The following CCDC18 variants were observed in gnomAD, a reference collection of about 807,000 sequenced individuals.
CCDC18 encodes the protein coiled-coil domain-containing protein 18.
Under a neutral mutation model 196.0 loss-of-function variants are expected in CCDC18, and 157 were observed. The ratio of observed to expected loss-of-function variants is 0.80; its 90% CI spans 0.70 to 0.91. CCDC18 has a LOEUF of 0.91. Ranked by LOEUF, CCDC18 falls within the 40% of genes least tolerant of loss-of-function variation. The pLI is 0.00. For missense variants in CCDC18, 1,465 were observed against 1,611.6 expected, an observed-to-expected ratio of 0.91 and a Z score of 1.56; for synonymous variants, 482 against 529.2, an observed-to-expected ratio of 0.91 and a Z score of 1.22.
intron 27 of CCDC18, among the ~76,000 whole-genome samples, chr1:93,266,315 G>A (rs1009421278): frequency 2.0e-5 from 3 of 152,174 alleles, no homozygotes; most frequent in Non-Finnish European, 4.4e-5. Flanking sequence ...GAAATTTATA[G>A]CACTAAATGC....
chr1:93,222,052 C>A, intron 16 of CCDC18, 116 bp downstream of exon 16: 1 of 638,618 alleles, frequency 1.6e-6, no homozygotes. Flanking sequence ...TCACTGCAAC[C>A]TTGAACTCCT....
chr1:93,192,151 T>A, intron 5 of CCDC18, 45 bp downstream of exon 5: 1 of 1,228,904 alleles, frequency 8.1e-7, no homozygotes. Context: ...TTTCTACTTA[T>A]ACATTTTATT....
intron 28 of CCDC18, among the ~76,000 whole-genome samples, chr1:93,272,003 G>A (rs12070900): frequency 0.17 from 26,229 of 152,064 alleles, 2,489 homozygotes; most frequent in African/African-American, 0.22. Context: ...TCTGTAGTTT[G>A]AGAATGGAAA....
rs146456580 is a variant in CCDC18 at position 93,253,684 on chromosome 1, C to A, written c.3199-787C>A. ...GAGACTGATGTCAGCAGGGAGAGAG[C>A]CTTTCCACTAAGGCACTAGTATGCA... On this transcript the variant is annotated intron_variant, in intron 23 of 28. Coordinates refer to ENST00000690025, the MANE Select transcript of CCDC18 (RefSeq NM_001378204.1). Among the ~76,000 whole-genome samples the A allele has an allele frequency of 2.3e-3, 354 of 152,308 alleles. 2 individuals are homozygous for A. Among genetic ancestry groups the A allele is most frequent in the African/African-American group, 8.1e-3 (337 of 41,560 alleles).
At chr1:93,184,559 A>G (rs1417702425) in intron 3 of CCDC18, among the ~76,000 whole-genome samples, 2 of 151,778 alleles carry the variant, frequency 1.3e-5, no homozygotes, top group Non-Finnish European at 3.0e-5. Flanking sequence ...TTCTCTTTTC[A>G]TTATCTATTT....
chr1:93,200,185 G>A (rs1653582167), intron 6 of CCDC18, among the ~76,000 whole-genome samples: 1 of 151,966 alleles, frequency 6.6e-6, no homozygotes, highest in Admixed American at 6.6e-5. Flanking sequence ...ACGTTTCCCA[G>A]GCTGGTCTCT....
intron 21 of CCDC18, among the ~76,000 whole-genome samples, chr1:93,243,355 G>A (rs534371752): frequency 1.1e-4 from 17 of 152,262 alleles, no homozygotes; most frequent in African/African-American, 2.4e-4. Flanking sequence ...TCCTTTTTCC[G>A]CCACAGCTAC....
At chr1:93,245,636 T>G (rs905516589) in intron 21 of CCDC18, among the ~76,000 whole-genome samples, 8 of 152,114 alleles carry the variant, frequency 5.3e-5, no homozygotes, top group Non-Finnish European at 1.2e-4. Context: ...TATATTAGAT[T>G]TAAGTGCTTT....
At chr1:93,237,870 C>T (rs1205434243) in intron 19 of CCDC18, among the ~76,000 whole-genome samples, 1 of 152,148 alleles carries the variant, frequency 6.6e-6, no homozygotes, top group African/African-American at 2.4e-5. Flanking sequence ...GCCACTTACT[C>T]CCATGGAATT....
At position 93,186,458 on chromosome 1, in the gene CCDC18, T is replaced by C; in HGVS notation, c.417T>C (p.Thr139=). 6.2e-7 allele frequency: 1 copy of C among 1,611,030 alleles called. No homozygotes were observed. Among genetic ancestry groups the C allele is most frequent in the Admixed American group, 1.7e-5 (1 of 59,708 alleles). ...CLVTQNHSLM[T]KFESIHFELT... The stretch of plus-strand genomic sequence containing the variant: ...TCACACAGAATCATTCCTTAATGAC[T>C]AAATTTGAATCTATTCACTTTGAAT... Residue 139 remains threonine, a synonymous_variant, in exon 4 of 29, where the codon ACT becomes ACC. Coordinates refer to ENST00000690025, the MANE Select transcript of CCDC18 (RefSeq NM_001378204.1).
At chr1:93,202,948 C>T (rs1244261242) in intron 7 of CCDC18, among the ~76,000 whole-genome samples, 1 of 152,152 alleles carries the variant, frequency 6.6e-6, no homozygotes, top group East Asian at 1.9e-4. Context: ...ACAGAGTAGG[C>T]AATGCTTGAG....
intron 24 of CCDC18, among the ~76,000 whole-genome samples, chr1:93,256,090 G>A (rs929036025): frequency 6.6e-6 from 1 of 152,016 alleles, no homozygotes; most frequent in African/African-American, 2.4e-5. Flanking sequence ...GTATGTTACA[G>A]TGATGTAATA....
At chr1:93,266,301 G>A (rs1368308658) in intron 27 of CCDC18, among the ~76,000 whole-genome samples, 1 of 152,200 alleles carries the variant, frequency 6.6e-6, no homozygotes, top group Non-Finnish European at 1.5e-5. Flanking sequence ...GCAGTGTGGA[G>A]AGGGAAATTT....
intron 6 of CCDC18, among the ~76,000 whole-genome samples, chr1:93,194,445 A>G (rs990382185): frequency 4.6e-5 from 7 of 152,194 alleles, no homozygotes; most frequent in African/African-American, 1.2e-4. Context: ...GCAATTTGCA[A>G]TATTGCTTAG....
chr1:93,275,261 C>A (rs1034687867), intron 28 of CCDC18, among the ~76,000 whole-genome samples: 2 of 152,092 alleles, frequency 1.3e-5, no homozygotes, highest in Non-Finnish European at 2.9e-5. Context: ...GCGTGTGTCA[C>A]CATGCCTGGC....
chr1:93,179,972 C>T (rs1033028182), upstream of CCDC18: 8 of 1,430,262 alleles, frequency 5.6e-6, no homozygotes, highest in African/African-American at 8.8e-5. Flanking sequence ...GGCCGTCCAC[C>T]AGAAGTTTCT....
chr1:93,276,066 C>T (rs6661495), intron 28 of CCDC18, among the ~76,000 whole-genome samples: 2,830 of 152,262 alleles, frequency 0.019, 84 homozygotes, highest in African/African-American at 0.064. Context: ...GGCCAGGAGG[C>T]GCCATTGTTG....
intron 23 of CCDC18, among the ~76,000 whole-genome samples, chr1:93,248,704 G>A (rs1303514344): frequency 1.7e-4 from 26 of 152,006 alleles, no homozygotes; most frequent in African/African-American, 5.8e-4. Context: ...GGCCAGGCAC[G>A]GTGGTGCGTG....
chr1:93,260,286 A>AG (rs1663606289), intron 26 of CCDC18, among the ~76,000 whole-genome samples: 1 of 152,202 alleles, frequency 6.6e-6, no homozygotes, highest in Non-Finnish European at 1.5e-5. Flanking sequence ...CAGGAGGCTA[A>AG]GGCAGCAGAA....
Sources: gnomAD v4.1 joint callset for allele counts (sites outside exome capture counted in the v4.1 genomes callset) on GRCh38, gnomAD v4.1.1 for gene constraint, MANE v1.5 for transcripts, NCBI Gene and HGNC (gene_info 2026-07-23, HGNC 2026-07-21) for gene names.